MAD1L1: variants seen among roughly 807,000 people sequenced by gnomAD.
MAD1L1 encodes mitotic arrest deficient 1 like 1, also known as mitotic spindle assembly checkpoint protein MAD1.
Under a neutral mutation model 96.9 loss-of-function variants are expected in MAD1L1, and 95 were observed. That is an observed-to-expected ratio of 0.98 (90% CI 0.83 to 1.16). MAD1L1 has a LOEUF of 1.16. Ranked by LOEUF, MAD1L1 falls within the 50% of genes most tolerant of loss-of-function variation. MAD1L1 has a pLI of 0.00. For synonymous variants in MAD1L1, 473 were observed against 396.6 expected (o/e 1.19, Z -2.29); for missense variants, 1,007 against 954.4 (o/e 1.06, Z -0.73).
At position 1,993,941 on chromosome 7, in the gene MAD1L1, CACAG is replaced by C. The variant is rs950806696; in HGVS notation, c.1416+8120_1416+8123del. Among the ~76,000 whole-genome samples the C allele has an allele frequency of 2.2e-4, 33 of 152,334 alleles. 2 individuals carry two copies. The Middle Eastern group carries it at 0.01, about 47-fold the overall frequency. ...CCCTGGGTCCTGTCCTGGTGGATTT[CACAG>C]ACAGCCTGATATGAGGAAGCCCCTG... On this transcript the variant is annotated intron_variant, in intron 14 of 18. Transcript: ENST00000265854.
chr7:1,936,978 G>A, intron 16 of MAD1L1, 81 bp from the exon 17 acceptor site: 1 of 1,155,208 alleles, frequency 8.7e-7, no homozygotes, highest in South Asian at 1.5e-5. Flanking sequence ...GGTCACCATG[G>A]CCCAGGAAGA....
chr7:1,905,591 G>C (rs545817584), intron 17 of MAD1L1, among the ~76,000 whole-genome samples: 1 of 152,230 alleles, frequency 6.6e-6, no homozygotes, highest in Non-Finnish European at 1.5e-5. Context: ...AGGCAGCGAG[G>C]ACGCAGTAGC....
At chr7:2,039,694 T>C (rs565549790) in intron 12 of MAD1L1, among the ~76,000 whole-genome samples, 1 of 152,342 alleles carries the variant, frequency 6.6e-6, no homozygotes, top group South Asian at 2.1e-4. Flanking sequence ...GTTTGCTAAT[T>C]AGGTGTGTCT....
At chr7:2,126,855 G>C (rs892166821) in intron 11 of MAD1L1, among the ~76,000 whole-genome samples, 5 of 152,314 alleles carry the variant, frequency 3.3e-5, no homozygotes, top group South Asian at 2.1e-4. Flanking sequence ...AGAAACCACA[G>C]ACCTCAGAAT....
Position 1,965,148 on chromosome 7 carries a change from G to C in MAD1L1, c.1506-7429C>G, listed in dbSNP as rs189235539. ...GATGACCATTTCCCTTGAACAACGG[G>C]TGTGGGAACCCCACCAGAGAGGCTG... On this transcript the variant is annotated intron_variant, in intron 15 of 18. Coordinates refer to ENST00000265854, the MANE Select transcript of MAD1L1 (RefSeq NM_001013836.2). Among the ~76,000 whole-genome samples, 318 of 152,354 alleles carry C rather than the reference G, an allele frequency of 2.1e-3. 6 individuals are homozygous for C. The highest frequency in any genetic ancestry group is 0.014 in the Admixed American group (212 of 15,304).
chr7:1,826,265 C>G (rs1388530589), intron 18 of MAD1L1, among the ~76,000 whole-genome samples: 1 of 152,178 alleles, frequency 6.6e-6, no homozygotes, highest in Non-Finnish European at 1.5e-5. Flanking sequence ...CGAGCCCTGA[C>G]AGTCACTGCC....
intron 10 of MAD1L1, among the ~76,000 whole-genome samples, chr7:2,180,176 A>C (rs1791135118): frequency 6.6e-6 from 1 of 152,152 alleles, no homozygotes; most frequent in South Asian, 2.1e-4. Flanking sequence ...GGGGACTGAG[A>C]TTCTAAGGGG....
At chr7:2,213,422 G>GA in intron 9 of MAD1L1, 149 bp from the exon 10 acceptor site, 2 of 711,670 alleles carry the variant, frequency 2.8e-6, no homozygotes, top group Non-Finnish European at 4.9e-6. Context: ...CTCCAAGTCT[G>GA]CTTGGAAGTG....
At chr7:1,830,329 G>A (rs575910067) in intron 18 of MAD1L1, among the ~76,000 whole-genome samples, 12 of 152,162 alleles carry the variant, frequency 7.9e-5, no homozygotes, top group South Asian at 4.1e-4. Flanking sequence ...CCTGGGAGGC[G>A]GAGGTTGCAG....
intron 10 of MAD1L1, among the ~76,000 whole-genome samples, chr7:2,156,355 T>C (rs1158888016): frequency 6.6e-6 from 1 of 152,120 alleles, no homozygotes; most frequent in Non-Finnish European, 1.5e-5. Flanking sequence ...GTCGGGCTAA[T>C]GGCATGGACC....
chr7:2,116,389 C>T (rs776372262), intron 11 of MAD1L1, among the ~76,000 whole-genome samples: 4 of 152,172 alleles, frequency 2.6e-5, no homozygotes, highest in Non-Finnish European at 4.4e-5. Flanking sequence ...TGAACGGGAG[C>T]GACAAGGAGC....
chr7:1,966,153 C>T (rs1465152804), intron 15 of MAD1L1, among the ~76,000 whole-genome samples: 4 of 152,246 alleles, frequency 2.6e-5, no homozygotes, highest in Non-Finnish European at 5.9e-5. Context: ...GGCTTCACAA[C>T]CTGAACTGGG....
intron 17 of MAD1L1, among the ~76,000 whole-genome samples, chr7:1,926,189 C>A (rs541531692): frequency 2.0e-4 from 31 of 152,232 alleles, no homozygotes; most frequent in Middle Eastern, 3.4e-3. Context: ...ATAAAAAAAA[C>A]CCCAAAACCT....
chr7:1,972,305 A>C (rs1780439882), intron 15 of MAD1L1, among the ~76,000 whole-genome samples: 1 of 152,202 alleles, frequency 6.6e-6, no homozygotes, highest in Non-Finnish European at 1.5e-5. Context: ...TGTTTGGTAG[A>C]TTTCTCTAGG....
intron 18 of MAD1L1, among the ~76,000 whole-genome samples, chr7:1,841,481 C>A (rs895049474): frequency 6.6e-6 from 1 of 152,226 alleles, no homozygotes; most frequent in African/African-American, 2.4e-5. Flanking sequence ...AGTCACGGAA[C>A]CGGCTGCTGA....
At chr7:1,940,706 G>A (rs1010372216) in intron 16 of MAD1L1, among the ~76,000 whole-genome samples, 5 of 152,242 alleles carry the variant, frequency 3.3e-5, no homozygotes, top group African/African-American at 9.6e-5. Context: ...CATGGGCCCC[G>A]CTGACGGAGC....
intron 9 of MAD1L1, among the ~76,000 whole-genome samples, chr7:2,214,001 T>C (rs1793124375): frequency 1.3e-5 from 2 of 152,378 alleles, no homozygotes; most frequent in South Asian, 4.1e-4. Context: ...AGTGAGGTAT[T>C]CTCACAGCCC....
At chr7:1,910,727 C>T (rs962248370) in intron 17 of MAD1L1, among the ~76,000 whole-genome samples, 1 of 152,210 alleles carries the variant, frequency 6.6e-6, no homozygotes, top group African/African-American at 2.4e-5. Context: ...CCTGCTCGGG[C>T]TTTGAGTAGG....
chr7:2,053,774 A>C (rs1416120655), intron 12 of MAD1L1, among the ~76,000 whole-genome samples: 1 of 152,160 alleles, frequency 6.6e-6, no homozygotes, highest in Non-Finnish European at 1.5e-5. Context: ...GGCTCCTGTG[A>C]CCGAGCTCTC....
Sources: gnomAD v4.1 joint callset for allele counts (sites outside exome capture counted in the v4.1 genomes callset) on GRCh38, gnomAD v4.1.1 for gene constraint, MANE v1.5 for transcripts, NCBI Gene and HGNC (gene_info 2026-07-23, HGNC 2026-07-21) for gene names.